Variants in MAST4 observed in about 807,000 individuals in gnomAD.
MAST4 encodes the protein microtubule associated serine/threonine kinase family member 4.
MAST4 carries 89 observed loss-of-function variants against 162.7 expected under a neutral mutation model. The observed-to-expected ratio is 0.55, with a 90% CI of 0.46 to 0.65. The LOEUF (loss-of-function observed/expected upper bound fraction) is 0.65, where lower values mean the gene tolerates loss of function less well. Among genes scored for constraint, MAST4 ranks in the 30% least tolerant of loss-of-function variants. The pLI, the probability that MAST4 is intolerant of heterozygous loss-of-function variation, is 0.00. For synonymous variants in MAST4, 1,479 were observed against 1,361.1 expected (o/e 1.09, Z -1.91); for missense variants, 3,153 against 3,374.0 (o/e 0.93, Z 1.62).
intron 3 of MAST4, among the ~76,000 whole-genome samples, chr5:66,824,205 T>C (rs1022837139): frequency 1.3e-5 from 2 of 152,204 alleles, no homozygotes; most frequent in Non-Finnish European, 2.9e-5. Flanking sequence ...ACGGTCACAC[T>C]TAACGCAAGA....
intron 1 of MAST4, among the ~76,000 whole-genome samples, chr5:66,646,310 C>A (rs575825164): frequency 3.3e-4 from 50 of 152,158 alleles, no homozygotes; most frequent in South Asian, 8.3e-4. Flanking sequence ...ATAAGGGATG[C>A]CACTGATGAT....
intron 5 of MAST4, among the ~76,000 whole-genome samples, chr5:67,060,875 T>G (rs1759487203): frequency 6.6e-6 from 1 of 152,224 alleles, no homozygotes; most frequent in African/African-American, 2.4e-5. Context: ...ACCTGAAATT[T>G]TGGCACATAA....
At chr5:67,094,485 C>A (rs1320835346) in intron 6 of MAST4, among the ~76,000 whole-genome samples, 1 of 152,170 alleles carries the variant, frequency 6.6e-6, no homozygotes, top group African/African-American at 2.4e-5. Flanking sequence ...ACACGAATTA[C>A]AAAATGTCCA....
In MAST4 at chr5:66,670,907, G is replaced by A. The variant is rs149921270; in HGVS notation, c.363+73889G>A. The stretch of plus-strand genomic sequence containing the variant: ...ACATAATTATTAATCGCGCCCTTTC[G>A]CTCTGAAGTGTCCCAATTTGGAAAG... On this transcript the variant is annotated intron_variant, in intron 1 of 28. Transcript: ENST00000403625. Among the ~76,000 whole-genome samples, 73 of 152,136 alleles carry A rather than the reference G, an allele frequency of 4.8e-4. No homozygotes were observed. In the East Asian group the frequency reaches 0.011, roughly 23 times the overall value.
intron 8 of MAST4, 27 bp downstream of exon 8, chr5:67,100,619 A>G (rs749147846): frequency 1.2e-6 from 2 of 1,613,030 alleles, no homozygotes; most frequent in African/African-American, 2.7e-5. Flanking sequence ...GAAAACCATT[A>G]CTTAGTTGGA....
Position 67,090,168 on chromosome 5 carries a change from G to A in MAST4, c.770G>A (p.Ser257Asn). The change falls in exon 6 of 29, where the codon AGC becomes AAC. Residue 257 changes from serine (S) to asparagine (N), a missense_variant. Physicochemically the swap from Ser to Asn is conservative, Grantham distance 46. Transcript: ENST00000403625. ...CTCTTTTCTCTTTCTCTAGGAAATA[G>A]CCCTCAAGATAGTCCAAGAAATTTC... ...HSPLSAHAGN[S>N]PQDSPRNFSP... 6.2e-7 allele frequency: 1 copy of A among 1,608,598 alleles called. No individual in the cohort carries two copies. Among genetic ancestry groups the A allele is most frequent in the Non-Finnish European group, 8.5e-7 (1 of 1,175,690 alleles).
intron 1 of MAST4, among the ~76,000 whole-genome samples, chr5:66,668,508 C>T (rs759514758): frequency 1.6e-4 from 25 of 152,056 alleles, no homozygotes; most frequent in Admixed American, 1.2e-3. Flanking sequence ...GATGCTGAAT[C>T]GGGGGTATGT....
chr5:66,845,925 A>G (rs1758823287), intron 3 of MAST4, among the ~76,000 whole-genome samples: 1 of 152,172 alleles, frequency 6.6e-6, no homozygotes, highest in African/African-American at 2.4e-5. Context: ...ATAGTATCCT[A>G]TGAAAGAATT....
chr5:66,978,656 G>A (rs1048550367), intron 4 of MAST4, among the ~76,000 whole-genome samples: 2 of 152,172 alleles, frequency 1.3e-5, no homozygotes, highest in African/African-American at 4.8e-5. Context: ...GATCACTGGG[G>A]ATGAGCAGAA....
chr5:66,809,438 G>A (rs1756367555), intron 3 of MAST4, among the ~76,000 whole-genome samples: 1 of 152,138 alleles, frequency 6.6e-6, no homozygotes, highest in Non-Finnish European at 1.5e-5. Context: ...TAATCTTCCT[G>A]GGAGGAAGAG....
intron 4 of MAST4, among the ~76,000 whole-genome samples, chr5:66,991,209 T>C (rs951457393): frequency 6.6e-6 from 1 of 152,214 alleles, no homozygotes; most frequent in African/African-American, 2.4e-5. Flanking sequence ...TTTCATTTGC[T>C]TCCCTTGGAG....
intron 1 of MAST4, among the ~76,000 whole-genome samples, chr5:66,642,363 T>TTAAG (rs1356227093): frequency 6.6e-6 from 1 of 152,206 alleles, no homozygotes; most frequent in Non-Finnish European, 1.5e-5. Context: ...TATAAAAAAC[T>TTAAG]TAAGTGTATC....
chr5:66,959,261 G>A (rs376760465), intron 4 of MAST4: 14 of 779,592 alleles, frequency 1.8e-5, no homozygotes, highest in African/African-American at 5.1e-5. Context: ...AAAGCCCAGC[G>A]GGAAAGGCTA....
At chr5:66,711,867 T>C (rs978079938) in intron 1 of MAST4, among the ~76,000 whole-genome samples, 1 of 152,104 alleles carries the variant, frequency 6.6e-6, no homozygotes, top group Non-Finnish European at 1.5e-5. Context: ...TTGGATTATA[T>C]TCAGGGCCTG....
intron 3 of MAST4, among the ~76,000 whole-genome samples, chr5:66,875,464 A>G (rs1159437208): frequency 6.6e-6 from 1 of 152,242 alleles, no homozygotes; most frequent in East Asian, 1.9e-4. Context: ...CAATTACTTA[A>G]TCACCCTGAG....
At chr5:66,870,390 G>T (rs925607030) in intron 3 of MAST4, among the ~76,000 whole-genome samples, 1 of 152,116 alleles carries the variant, frequency 6.6e-6, no homozygotes, top group Non-Finnish European at 1.5e-5. Flanking sequence ...AGAAGACTCC[G>T]CAGTGCTTTC....
chr5:66,617,140 A>G (rs543220247), intron 1 of MAST4, among the ~76,000 whole-genome samples: 5 of 152,198 alleles, frequency 3.3e-5, no homozygotes, highest in Non-Finnish European at 7.3e-5. Context: ...ATTACCTTCA[A>G]ATACAACCAG....
intron 1 of MAST4, among the ~76,000 whole-genome samples, chr5:66,712,899 G>C (rs1406343828): frequency 6.6e-6 from 1 of 152,142 alleles, no homozygotes; most frequent in Non-Finnish European, 1.5e-5. Context: ...AAGTTGATTT[G>C]CAGTATTGCA....
chr5:67,076,929 G>A (rs1054681813), intron 5 of MAST4, among the ~76,000 whole-genome samples: 7 of 152,184 alleles, frequency 4.6e-5, no homozygotes, highest in African/African-American at 1.4e-4. Flanking sequence ...ACTGTGAGGG[G>A]TGGTGCCCAG....
Sources: gnomAD v4.1 joint callset for allele counts (sites outside exome capture counted in the v4.1 genomes callset) on GRCh38, gnomAD v4.1.1 for gene constraint, MANE v1.5 for transcripts, NCBI Gene and HGNC (gene_info 2026-07-23, HGNC 2026-07-21) for gene names.